GHR: variants seen among roughly 807,000 people sequenced by gnomAD.
GHR encodes the protein GH receptor.
In GHR, 35 loss-of-function variants were observed where a neutral mutation model predicts 67.1. The observed-to-expected ratio is 0.52, with a 90% confidence interval of 0.40 to 0.69. GHR has a LOEUF of 0.69. GHR is among the 30% of genes least tolerant of loss of function. The probability of loss-of-function intolerance (pLI) is 0.00; values close to 1 mark genes in which losing one functional copy is unlikely to be tolerated. For missense variants in GHR, 792 were observed against 764.6 expected (o/e 1.04, Z -0.42); for synonymous variants, 272 against 269.1 (o/e 1.01, Z -0.10).
intron 1 of GHR, among the ~76,000 whole-genome samples, chr5:42,477,575 C>A (rs1283718171): frequency 1.3e-5 from 2 of 152,208 alleles, no homozygotes; most frequent in Non-Finnish European, 2.9e-5. Context: ...GATCGCCATT[C>A]CAACTGGTGT....
intron 5 of GHR, 108 bp from the exon 6 acceptor site, chr5:42,699,716 C>T: frequency 1.3e-6 from 1 of 785,810 alleles, no homozygotes; most frequent in East Asian, 2.5e-5. Flanking sequence ...GAAATAAGAG[C>T]ATGAATGATC....
At chr5:42,426,967 C>T (rs1334604799) in intron 1 of GHR, among the ~76,000 whole-genome samples, 1 of 152,166 alleles carries the variant, frequency 6.6e-6, no homozygotes, top group African/African-American at 2.4e-5. Context: ...AGATTCATTT[C>T]TAGAAAGTTC....
chr5:42,508,659 C>T (rs1285088836), intron 1 of GHR, among the ~76,000 whole-genome samples: 5 of 152,158 alleles, frequency 3.3e-5, no homozygotes, highest in African/African-American at 7.2e-5. Flanking sequence ...CTGCAAGCTG[C>T]GCCTCCCGAG....
chr5:42,468,415 T>G, intron 1 of GHR: 1 of 1,108,930 alleles, frequency 9.0e-7, no homozygotes, highest in African/African-American at 1.6e-5. Flanking sequence ...AGCTTCTTCT[T>G]GAGTTTCCTC....
chr5:42,617,013 G>T (rs757703726), intron 2 of GHR, among the ~76,000 whole-genome samples: 3 of 152,012 alleles, frequency 2.0e-5, no homozygotes, highest in African/African-American at 4.8e-5. Context: ...AGTAGAGACA[G>T]CCATTCAGAC....
intron 2 of GHR, among the ~76,000 whole-genome samples, chr5:42,567,646 T>C (rs905446894): frequency 5.9e-5 from 9 of 152,190 alleles, no homozygotes; most frequent in Non-Finnish European, 1.0e-4. Flanking sequence ...CTTTTTCCTT[T>C]GGAATATGTG....
intron 3 of GHR, among the ~76,000 whole-genome samples, chr5:42,659,677 C>T (rs538142021): frequency 5.8e-4 from 89 of 152,298 alleles, no homozygotes; most frequent in African/African-American, 2.0e-3. Context: ...CCAGCGTGAG[C>T]GACACAGAAG....
At chr5:42,667,659 C>T (rs556150721) in intron 3 of GHR, among the ~76,000 whole-genome samples, 2 of 152,268 alleles carry the variant, frequency 1.3e-5, no homozygotes, top group Admixed American at 6.5e-5. Context: ...CCTTAGCTAG[C>T]GGTCAGGTGC....
At chr5:42,489,013 T>A (rs1249743277) in intron 1 of GHR, among the ~76,000 whole-genome samples, 2 of 152,198 alleles carry the variant, frequency 1.3e-5, no homozygotes, top group East Asian at 3.9e-4. Context: ...CACTTCTCAG[T>A]GGAATCTAGA....
chr5:42,468,355 T>A, intron 1 of GHR: 2 of 1,494,802 alleles, frequency 1.3e-6, no homozygotes, highest in Non-Finnish European at 1.8e-6. Context: ...CGCCTATAGC[T>A]GGGAGCTGCC....
At chr5:42,650,906 G>A (rs1256727153) in intron 3 of GHR, among the ~76,000 whole-genome samples, 1 of 152,116 alleles carries the variant, frequency 6.6e-6, no homozygotes, top group Non-Finnish European at 1.5e-5. Flanking sequence ...AAACTCCAAG[G>A]TGATTTTAAA....
At chr5:42,614,129 G>A (rs1477985966) in intron 2 of GHR, among the ~76,000 whole-genome samples, 1 of 152,074 alleles carries the variant, frequency 6.6e-6, no homozygotes, top group African/African-American at 2.4e-5. Flanking sequence ...ATTAACATCA[G>A]AGCATAACCA....
At position 42,585,601 on chromosome 5, in the gene GHR, A is replaced by T. The variant is rs374279892; in HGVS notation, c.70+19657A>T. ...ACACTTTTTGCTGCACGTTTTTTAA[A>T]GTTTGTTATTTTTGTCATAGATTAC... On this transcript the variant is annotated intron_variant, in intron 2 of 9. Coordinates refer to ENST00000230882, the MANE Select transcript of GHR (RefSeq NM_000163.5). 2.2e-3 allele frequency among the ~76,000 whole-genome samples: 334 copies of T among 152,314 alleles called. 2 individuals are homozygous for T. The highest frequency in any genetic ancestry group is 7.8e-3 in the African/African-American group (326 of 41,572).
chr5:42,530,491 G>T (rs1387223922), intron 1 of GHR, among the ~76,000 whole-genome samples: 1 of 152,148 alleles, frequency 6.6e-6, no homozygotes. Flanking sequence ...AATTGAGAAT[G>T]GCAACTATGG....
At chr5:42,467,373 G>T in intron 1 of GHR, 2 of 952,388 alleles carry the variant, frequency 2.1e-6, no homozygotes, top group Non-Finnish European at 3.4e-6. Flanking sequence ...TGCCAGAATC[G>T]TTACAGGCAG....
At position 42,583,898 on chromosome 5, in the gene GHR, A is replaced by T. The variant is rs188102316; in HGVS notation, c.70+17954A>T. ...ATAAAGATATATATATATATATATA[A>T]ATTCTTACAGTTTAGAAGCTTCCAG... On this transcript the variant is annotated intron_variant, in intron 2 of 9. Transcript: ENST00000230882. Among the ~76,000 whole-genome samples, 1,293 of 145,676 alleles carry T rather than the reference A, an allele frequency of 8.9e-3. 17 individuals carry two copies. Among genetic ancestry groups the T allele is most frequent in the African/African-American group, 0.031 (1,235 of 39,822 alleles).
chr5:42,426,133 A>G (rs1742844289), intron 1 of GHR, among the ~76,000 whole-genome samples: 1 of 152,220 alleles, frequency 6.6e-6, no homozygotes, highest in Non-Finnish European at 1.5e-5. Flanking sequence ...AGATGTTTAC[A>G]GTGCTTGGTA....
intron 1 of GHR, among the ~76,000 whole-genome samples, chr5:42,484,649 C>A (rs1397554104): frequency 3.3e-5 from 5 of 152,176 alleles, no homozygotes; most frequent in Admixed American, 6.5e-5. Context: ...TCACTCAGGT[C>A]CACTGAGGCA....
chr5:42,664,867 G>A (rs1027615256), intron 3 of GHR, among the ~76,000 whole-genome samples: 1 of 152,148 alleles, frequency 6.6e-6, no homozygotes, highest in African/African-American at 2.4e-5. Context: ...ATAATATCCA[G>A]AATCTACAAT....
Sources: allele counts gnomAD v4.1 joint callset (sites outside exome capture counted in the v4.1 genomes callset), GRCh38; gene constraint gnomAD v4.1.1; transcripts MANE v1.5; gene names NCBI Gene and HGNC (gene_info 2026-07-23, HGNC 2026-07-21).